SLCO1B3: variants seen among roughly 807,000 people sequenced by gnomAD.
SLCO1B3 encodes the protein liver-specific organic anion transporter 2.
A neutral mutation model predicts 71.8 loss-of-function variants in SLCO1B3; 72 were observed. The ratio of observed to expected loss-of-function variants is 1.00; its 90% CI spans 0.83 to 1.22. SLCO1B3 has a LOEUF of 1.22. Among genes scored for constraint, SLCO1B3 ranks in the 50% most tolerant of loss-of-function variants. The pLI, the probability that SLCO1B3 is intolerant of heterozygous loss-of-function variation, is 0.00. For missense variants in SLCO1B3, 911 were observed against 819.7 expected (o/e 1.11, Z -1.36); for synonymous variants, 298 against 278.4 (o/e 1.07, Z -0.70).
At position 20,854,070 on chromosome 12, in the gene SLCO1B3, T is replaced by C. The variant is rs368641199; in HGVS notation, c.85-958T>C. Among the ~76,000 whole-genome samples, 125 of 152,314 alleles carry C rather than the reference T, an allele frequency of 8.2e-4. 2 individuals are homozygous for C. In the South Asian group the frequency reaches 0.025, roughly 30 times the overall value. On this transcript the variant is annotated intron_variant, in intron 3 of 15. Transcript: ENST00000381545. ...TTTCATTGCACTGTAGGAGAAAAGA[T>C]ACTTAATATAATTACAACATTTTTA...
intron 1 of SLCO1B3, among the ~76,000 whole-genome samples, chr12:20,812,969 A>G (rs759032071): frequency 7.9e-5 from 12 of 152,160 alleles, no homozygotes; most frequent in Non-Finnish European, 1.3e-4. Flanking sequence ...AAGTGGTGTA[A>G]ATTTATTAAG....
intron 13 of SLCO1B3, among the ~76,000 whole-genome samples, chr12:20,887,914 T>C (rs962286833): frequency 1.1e-4 from 16 of 151,900 alleles, no homozygotes; most frequent in African/African-American, 3.9e-4. Flanking sequence ...TGGTGAGAGA[T>C]ACGGGTTCAA....
rs1359048292 is a variant in SLCO1B3, at chr12:20,873,021, C to T, written c.728-2214C>T. 1.3e-4 allele frequency among the ~76,000 whole-genome samples: 20 copies of T among 152,104 alleles called. 1 individual carries two copies. Among genetic ancestry groups the T allele is most frequent in the Admixed American group, 1.3e-4 (2 of 15,280 alleles). On this transcript the variant is annotated intron_variant, in intron 8 of 15. Transcript: ENST00000381545. ...ACCTTTACACATTTGAGACAGAAGA[C>T]AGTCCTTAGTCAACTCTTAGGAAAG...
intron 3 of SLCO1B3, among the ~76,000 whole-genome samples, chr12:20,828,197 T>C (rs1864466397): frequency 6.6e-6 from 1 of 151,952 alleles, no homozygotes; most frequent in African/African-American, 2.4e-5. Flanking sequence ...CATGTAATGC[T>C]TTTACGGTGC....
chr12:20,895,051 A>C (rs1272292768), intron 13 of SLCO1B3, among the ~76,000 whole-genome samples: 1 of 152,128 alleles, frequency 6.6e-6, no homozygotes, highest in East Asian at 1.9e-4. Flanking sequence ...AGACTTATTC[A>C]CTATCATGGA....
At chr12:20,817,187 C>G (rs968936145) in intron 3 of SLCO1B3, among the ~76,000 whole-genome samples, 2 of 152,106 alleles carry the variant, frequency 1.3e-5, no homozygotes, top group African/African-American at 2.4e-5. Context: ...CTTTTCTATG[C>G]AGAAACATTT....
chr12:20,891,466 G>A (rs1865902451), intron 13 of SLCO1B3, among the ~76,000 whole-genome samples: 1 of 151,900 alleles, frequency 6.6e-6, no homozygotes, highest in South Asian at 2.1e-4. Flanking sequence ...TTAAATTTTT[G>A]TTGACTTTGA....
chr12:20,872,201 C>CA (rs1287162468), intron 8 of SLCO1B3, among the ~76,000 whole-genome samples: 2 of 151,918 alleles, frequency 1.3e-5, no homozygotes, highest in Non-Finnish European at 2.9e-5. Context: ...GCCAGGCCAC[C>CA]ACCCATGTTC....
chr12:20,888,219 G>T (rs543737376), intron 13 of SLCO1B3, among the ~76,000 whole-genome samples: 2 of 151,696 alleles, frequency 1.3e-5, no homozygotes, highest in Non-Finnish European at 3.0e-5. Context: ...TTTTGGTTCC[G>T]TATGAATTTT....
intron 3 of SLCO1B3, among the ~76,000 whole-genome samples, chr12:20,839,825 T>G (rs1231016423): frequency 6.6e-6 from 1 of 152,172 alleles, no homozygotes; most frequent in East Asian, 1.9e-4. Flanking sequence ...CCTTAGCTTT[T>G]GGGTATTTTC....
chr12:20,908,870 T>C (rs1866308638), intron 15 of SLCO1B3, among the ~76,000 whole-genome samples: 1 of 152,240 alleles, frequency 6.6e-6, no homozygotes, highest in African/African-American at 2.4e-5. Context: ...AGTTTTTGTA[T>C]AGATACAGGT....
At chr12:20,837,826 A>T (rs1469671241) in intron 3 of SLCO1B3, among the ~76,000 whole-genome samples, 1 of 152,144 alleles carries the variant, frequency 6.6e-6, no homozygotes, top group Non-Finnish European at 1.5e-5. Context: ...TAATATATAG[A>T]TGTTAATTAT....
At position 20,831,960 on chromosome 12, in the gene SLCO1B3, G is replaced by C. The variant is rs367551649; in HGVS notation, c.84+16138G>C. 1.1e-3 allele frequency among the ~76,000 whole-genome samples: 162 copies of C among 152,180 alleles called. 4 individuals are homozygous for C. The South Asian group carries it at 0.033, about 31-fold the overall frequency. On this transcript the variant is annotated intron_variant, in intron 3 of 15. Coordinates refer to ENST00000381545, the MANE Select transcript of SLCO1B3 (RefSeq NM_019844.4). ...CCAGATGTTATTATCTCCCTTTGCA[G>C]ATGAAAAAAACCTAGGTATGGAAAA...
rs760957484 is a variant in SLCO1B3, at chr12:20,861,078, A to T, written c.421A>T (p.Thr141Ser). Reference sequence around the variant, plus strand: ...AGAAAATTCAACATCAAGTTTATCAACCTGTTTAATTAATCAAACCTTATC... The same window carrying T: ...AGAAAATTCAACATCAAGTTTATCATCCTGTTTAATTAATCAAACCTTATC... Reference protein sequence around the residue: ...PSENSTSSLSTCLINQTLSFN... With the variant: ...PSENSTSSLSSCLINQTLSFN... The change falls in exon 6 of 16, where the codon ACC becomes TCC. Residue 141 changes from threonine to serine, a missense_variant. Thr to Ser is a moderately conservative substitution (Grantham distance 58). Transcript: ENST00000381545. 6.2e-7 allele frequency: 1 copy of T among 1,604,824 alleles called. No individual in the cohort carries two copies. The highest frequency in any genetic ancestry group is 8.5e-7 in the Non-Finnish European group (1 of 1,174,034).
intron 13 of SLCO1B3, among the ~76,000 whole-genome samples, chr12:20,893,547 T>C (rs10841696): frequency 0.7 from 107,145 of 151,980 alleles, 39,992 homozygotes; most frequent in South Asian, 0.89. Context: ...TTCAGGCCCA[T>C]TGATGTGGAG....
intron 15 of SLCO1B3, among the ~76,000 whole-genome samples, chr12:20,909,318 A>G (rs530392872): frequency 5.8e-4 from 81 of 140,078 alleles, no homozygotes; most frequent in Non-Finnish European, 1.1e-3. Flanking sequence ...GGCACCCACC[A>G]CCACGCCTGG....
At chr12:20,898,036 A>G (rs1428139240) in intron 13 of SLCO1B3, among the ~76,000 whole-genome samples, 1 of 152,184 alleles carries the variant, frequency 6.6e-6, no homozygotes, top group Non-Finnish European at 1.5e-5. Flanking sequence ...TAAGGTGGTA[A>G]AAAGAGGTCT....
intron 9 of SLCO1B3, 43 bp from the exon 10 acceptor site, chr12:20,877,729 A>T (rs1397685319): frequency 2.4e-6 from 2 of 841,616 alleles, no homozygotes; most frequent in Non-Finnish European, 3.3e-6. Context: ...AGATATTAAT[A>T]TATATTTTAT....
At chr12:20,830,438 A>G (rs940571607) in intron 3 of SLCO1B3, among the ~76,000 whole-genome samples, 1 of 152,202 alleles carries the variant, frequency 6.6e-6, no homozygotes, top group East Asian at 1.9e-4. Flanking sequence ...CTGAATCCAC[A>G]GGTTGCCAGA....
Sources: gnomAD v4.1 joint callset for allele counts (sites outside exome capture counted in the v4.1 genomes callset) on GRCh38, gnomAD v4.1.1 for gene constraint, MANE v1.5 for transcripts, NCBI Gene and HGNC (gene_info 2026-07-23, HGNC 2026-07-21) for gene names.